NRXN3: variants seen among roughly 807,000 people sequenced by gnomAD.
The protein encoded by NRXN3 is neurexin III.
A neutral mutation model predicts 137.6 loss-of-function variants in NRXN3; 32 were observed. The observed-to-expected ratio is 0.23, with a 90% confidence interval of 0.18 to 0.31. NRXN3 has a LOEUF of 0.31. Ranked by LOEUF, NRXN3 falls within the 10% of genes least tolerant of loss-of-function variation. NRXN3 has a pLI of 1.00. For missense variants in NRXN3, 1,574 were observed against 2,062.5 expected (o/e 0.76, Z 4.59); for synonymous variants, 798 against 784.5 (o/e 1.02, Z -0.29).
intron 4 of NRXN3, among the ~76,000 whole-genome samples, chr14:78,545,953 T>C (rs907699592): frequency 6.6e-6 from 1 of 152,234 alleles, no homozygotes; most frequent in African/African-American, 2.4e-5. Flanking sequence ...TCTGATGATA[T>C]GTTATATATG....
chr14:79,437,512 T>C (rs1433482620), intron 15 of NRXN3, among the ~76,000 whole-genome samples: 1 of 152,154 alleles, frequency 6.6e-6, no homozygotes, highest in Admixed American at 6.6e-5. Flanking sequence ...TTTGCTGCAG[T>C]GTCTTCTCAG....
At chr14:78,644,135 GAAAAAA>G (rs111868453) in intron 4 of NRXN3, among the ~76,000 whole-genome samples, 21 of 42,146 alleles carry the variant, frequency 5.0e-4, no homozygotes, top group Non-Finnish European at 5.8e-5. Flanking sequence ...GCAAGACTCA[GAAAAAA>G]AAAAAAAAAA....
At chr14:79,613,325 A>G (rs17836228) in intron 16 of NRXN3, among the ~76,000 whole-genome samples, 6,170 of 152,336 alleles carry the variant, frequency 0.041, 164 homozygotes, top group Middle Eastern at 0.12. Context: ...TCGTTGTTAC[A>G]GTGAGTACAA....
intron 15 of NRXN3, among the ~76,000 whole-genome samples, chr14:79,218,780 G>A (rs1259190062): frequency 3.9e-5 from 6 of 152,304 alleles, no homozygotes; most frequent in East Asian, 1.9e-4. Flanking sequence ...AGTGGAGAGT[G>A]AGAAAAGTAA....
At chr14:78,194,867 C>T (rs1231162995) in intron 1 of NRXN3, among the ~76,000 whole-genome samples, 2 of 152,212 alleles carry the variant, frequency 1.3e-5, no homozygotes, top group Non-Finnish European at 2.9e-5. Flanking sequence ...CGCTGACCCC[C>T]TTGGCACTGG....
chr14:78,513,650 G>A (rs1205086508), intron 4 of NRXN3, among the ~76,000 whole-genome samples: 1 of 151,940 alleles, frequency 6.6e-6, no homozygotes, highest in Non-Finnish European at 1.5e-5. Context: ...ATAAATCAAT[G>A]TGCAAAAAAA....
chr14:79,619,637 C>A (rs1371762380), intron 16 of NRXN3, among the ~76,000 whole-genome samples: 1 of 151,958 alleles, frequency 6.6e-6, no homozygotes, highest in Non-Finnish European at 1.5e-5. Flanking sequence ...TTTGTGTCTT[C>A]TCATATGATT....
At chr14:79,358,665 G>GAAAGAAAGAAAGAAAGAAAGAA (rs1555397673) in intron 15 of NRXN3, among the ~76,000 whole-genome samples, 1 of 149,936 alleles carries the variant, frequency 6.7e-6, no homozygotes. Context: ...AAGAAAGAAA[G>GAAAGAAAGAAAGAAAGAAAGAA]AAAGTGTCCT....
intron 10 of NRXN3, among the ~76,000 whole-genome samples, chr14:78,928,908 C>A (rs1346643639): frequency 1.3e-5 from 2 of 152,164 alleles, no homozygotes; most frequent in African/African-American, 2.4e-5. Flanking sequence ...AGTTTACACT[C>A]CCACCAACAG....
intron 15 of NRXN3, among the ~76,000 whole-genome samples, chr14:79,378,337 C>T (rs2094366080): frequency 1.3e-5 from 2 of 152,286 alleles, no homozygotes; most frequent in South Asian, 2.1e-4. Flanking sequence ...GAGAGAAACC[C>T]TGAGCCCTGA....
At chr14:79,338,480 C>A (rs1055828755) in intron 15 of NRXN3, among the ~76,000 whole-genome samples, 2 of 152,144 alleles carry the variant, frequency 1.3e-5, no homozygotes, top group Non-Finnish European at 2.9e-5. Flanking sequence ...ATCGAGAGCT[C>A]AGGCTTTAGA....
intron 15 of NRXN3, among the ~76,000 whole-genome samples, chr14:79,335,150 T>A (rs2092145684): frequency 6.6e-6 from 1 of 152,116 alleles, no homozygotes; most frequent in South Asian, 2.1e-4. Flanking sequence ...CTGTGCTGTT[T>A]CTTCTTCAAA....
intron 16 of NRXN3, among the ~76,000 whole-genome samples, chr14:79,583,087 A>G (rs1227202953): frequency 6.6e-6 from 1 of 152,338 alleles, no homozygotes; most frequent in Admixed American, 6.5e-5. Flanking sequence ...AAACACAAAA[A>G]CAGTCTAAAG....
intron 10 of NRXN3, among the ~76,000 whole-genome samples, chr14:78,887,599 C>A (rs1416968679): frequency 6.6e-6 from 1 of 151,998 alleles, no homozygotes; most frequent in South Asian, 2.1e-4. Flanking sequence ...CCAGGGACCT[C>A]CTAAGTTTTG....
At chr14:79,547,116 C>G (rs1049776954) in intron 16 of NRXN3, among the ~76,000 whole-genome samples, 3 of 152,068 alleles carry the variant, frequency 2.0e-5, no homozygotes, top group Non-Finnish European at 4.4e-5. Context: ...CTATAAAAAA[C>G]AGTATGTCCA....
At chr14:78,506,649 T>G (rs1403003086) in intron 4 of NRXN3, among the ~76,000 whole-genome samples, 5 of 46,020 alleles carry the variant, frequency 1.1e-4, no homozygotes, top group African/African-American at 4.2e-4. Flanking sequence ...TGTAGTTTTT[T>G]TTTTTTTTTT....
rs1485092456 is a variant in NRXN3 at position 78,966,013 on chromosome 14, C to T, written c.2396-12C>T. 6.2e-7 allele frequency: 1 copy of T among 1,608,144 alleles called. No individual in the cohort carries two copies. ...AACTTTTCTGTTTGTACCTCATTTA[C>T]AATTTTCACAGGTACAATGGTGGGA... is the stretch of plus-strand genomic sequence containing the variant. On this transcript the variant is annotated splice_polypyrimidine_tract_variant and intron_variant, in intron 11 of 20. Transcript: ENST00000335750.
intron 10 of NRXN3, among the ~76,000 whole-genome samples, chr14:78,825,261 T>C (rs963098427): frequency 6.6e-6 from 1 of 151,502 alleles, no homozygotes; most frequent in Non-Finnish European, 1.5e-5. Context: ...GTATTCTTTT[T>C]ATAGGCTTCT....
At chr14:79,562,490 G>A (rs2097507797) in intron 16 of NRXN3, among the ~76,000 whole-genome samples, 1 of 152,104 alleles carries the variant, frequency 6.6e-6, no homozygotes, top group Non-Finnish European at 1.5e-5. Flanking sequence ...CATATAAAAT[G>A]ATACTGCCTG....
Sources: allele counts gnomAD v4.1 joint callset (sites outside exome capture counted in the v4.1 genomes callset), GRCh38; gene constraint gnomAD v4.1.1; transcripts MANE v1.5; gene names NCBI Gene and HGNC (gene_info 2026-07-23, HGNC 2026-07-21).